Variants in SAMD15 observed in about 807,000 individuals in gnomAD.
The protein encoded by SAMD15 is sterile alpha motif domain-containing protein 15.
A neutral mutation model predicts 50.5 loss-of-function variants in SAMD15; 37 were observed. The observed-to-expected ratio is 0.73, with a 90% CI of 0.56 to 0.96. SAMD15 has a LOEUF of 0.96. Ranked by LOEUF, SAMD15 falls within the 40% of genes least tolerant of loss-of-function variation. The pLI, the probability that SAMD15 is intolerant of heterozygous loss-of-function variation, is 0.00. For missense variants in SAMD15, 789 were observed against 783.8 expected, an observed-to-expected ratio of 1.01 and a Z score of -0.08; for synonymous variants, 255 against 282.8, an observed-to-expected ratio of 0.90 and a Z score of 0.99.
intron 2 of SAMD15, among the ~76,000 whole-genome samples, chr14:77,380,961 C>G (rs1364784387): frequency 3.3e-5 from 5 of 152,188 alleles, no homozygotes; most frequent in Admixed American, 1.3e-4. Flanking sequence ...GAATTTTGTG[C>G]TCCAGCCTAC....
intron 2 of SAMD15, among the ~76,000 whole-genome samples, chr14:77,389,934 G>A (rs900816670): frequency 2.6e-5 from 4 of 152,098 alleles, no homozygotes; most frequent in Middle Eastern, 3.4e-3. Flanking sequence ...AAAACAGCTC[G>A]AACTTTAATG....
intron 2 of SAMD15, among the ~76,000 whole-genome samples, chr14:77,388,677 C>A (rs1894036058): frequency 6.6e-6 from 1 of 151,684 alleles, no homozygotes; most frequent in Admixed American, 6.6e-5. Context: ...GGTGCGATCT[C>A]AGCTCACTGG....
rs185843151 is a variant in SAMD15, at chr14:77,380,110, A to T, written c.1690-273A>T. On this transcript the variant is annotated intron_variant, in intron 1 of 2. Coordinates refer to ENST00000216471, the MANE Select transcript of SAMD15 (RefSeq NM_001010860.4). ...GCTTACATGGAAAAATTGTGCCGTT[A>T]TTGGGATAGAAAGTAAATTTAAGCT... is the stretch of plus-strand genomic sequence containing the variant. Among the ~76,000 whole-genome samples the T allele has an allele frequency of 9.2e-5, 14 of 152,312 alleles. No homozygotes were observed. The East Asian group carries it at 2.7e-3, about 29-fold the overall frequency.
chr14:77,391,123 C>T lies in SAMD15; in HGVS notation c.1904C>T (p.Thr635Ile), dbSNP rs1894067774. 6.2e-7 allele frequency: 1 copy of T among 1,613,686 alleles called. No individual in the cohort carries two copies. Among genetic ancestry groups the T allele is most frequent in the Non-Finnish European group, 8.5e-7 (1 of 1,179,652 alleles). Residue 635 changes from threonine (T) to isoleucine (I), a missense_variant, in exon 3 of 3, where the codon ACT (threonine) becomes ATT (isoleucine). This residue lies in a region of SAMD15 where 770 missense variants were observed against 745.4 expected (regional missense o/e 1.03). Coordinates refer to ENST00000216471, the MANE Select transcript of SAMD15 (RefSeq NM_001010860.4). ...TTATATTTAGAGCAAAAAGGTCATA[C>T]TGGGATAAAATCTGATTCCTTGACT... Reference protein sequence around the residue: ...IGLYLEQKGHTGIKSDSLTLS... With the variant: ...IGLYLEQKGHIGIKSDSLTLS...
At chr14:77,384,246 A>G (rs1171123512) in intron 2 of SAMD15, among the ~76,000 whole-genome samples, 2 of 152,066 alleles carry the variant, frequency 1.3e-5, no homozygotes, top group African/African-American at 4.8e-5. Flanking sequence ...AGATTGCTTG[A>G]GAGTGTGGAA....
chr14:77,383,922 A>G (rs1355691154), intron 2 of SAMD15, among the ~76,000 whole-genome samples: 2 of 139,060 alleles, frequency 1.4e-5, no homozygotes, highest in Non-Finnish European at 3.1e-5. Flanking sequence ...GTGAGCCAAG[A>G]TTGTGCTCTC....
chr14:77,388,572 C>T (rs1224290090), intron 2 of SAMD15, among the ~76,000 whole-genome samples: 5 of 151,358 alleles, frequency 3.3e-5, no homozygotes, highest in East Asian at 3.9e-4. Flanking sequence ...TGCAACTTCA[C>T]GACTGGCTTT....
intron 2 of SAMD15, among the ~76,000 whole-genome samples, chr14:77,383,388 T>C (rs1263181940): frequency 6.6e-6 from 1 of 152,158 alleles, no homozygotes; most frequent in Non-Finnish European, 1.5e-5. Context: ...GTATTCTAAT[T>C]CCAAAAGTAC....
chr14:77,381,569 G>T (rs781450022), intron 2 of SAMD15, among the ~76,000 whole-genome samples: 21 of 152,140 alleles, frequency 1.4e-4, no homozygotes, highest in Non-Finnish European at 2.9e-4. Context: ...ATCCTCCAGA[G>T]ATTTTGATTC....
rs1566699123 is a variant in SAMD15, at chr14:77,377,911, ACGGAAACCATGTCTGAGGTTT to A, written c.497_517del (p.Glu166_Ser172del). On this transcript the variant is annotated inframe_deletion, in exon 1 of 3. Coordinates refer to ENST00000216471, the MANE Select transcript of SAMD15 (RefSeq NM_001010860.4). ...AACAGATCCAGATCCAGTGCCACCA[ACGGAAACCATGTCTGAGGTTT>A]CGGGGGCCACAGTCAGAGAGAGAAA... The A allele has an allele frequency of 1.2e-6, 2 of 1,614,126 alleles. No individual in the cohort carries two copies. The highest frequency in any genetic ancestry group is 8.5e-7 in the Non-Finnish European group (1 of 1,180,018).
At chr14:77,386,099 A>G (rs1165131364) in intron 2 of SAMD15, among the ~76,000 whole-genome samples, 1 of 151,832 alleles carries the variant, frequency 6.6e-6, no homozygotes, top group African/African-American at 2.4e-5. Context: ...CAAGCAATCC[A>G]CCCACCTTGG....
At chr14:77,380,312 TC>T (rs1402990925) in intron 1 of SAMD15, 70 bp from the exon 2 acceptor site, 5 of 948,296 alleles carry the variant, frequency 5.3e-6, no homozygotes, top group Non-Finnish European at 6.9e-6. Flanking sequence ...CTTCCCTTCC[TC>T]CCCCTTCCCT....
intron 2 of SAMD15, 29 bp downstream of exon 2, chr14:77,380,510 A>G (rs2139649394): frequency 6.7e-7 from 1 of 1,487,974 alleles, no homozygotes; most frequent in Non-Finnish European, 9.4e-7. Context: ...TTCCCTACAG[A>G]GCACTGTTAA....
chr14:77,378,967 T>C lies in SAMD15; in HGVS notation c.1549T>C (p.Ser517Pro). 2 of 1,614,184 alleles carry C rather than the reference T, an allele frequency of 1.2e-6. No homozygotes were observed. Among genetic ancestry groups the C allele is most frequent in the African/African-American group, 1.3e-5 (1 of 75,044 alleles). The stretch of plus-strand genomic sequence containing the variant: ...TCATGAAAAGGAAGTTGTAGATTTG[T>C]CCCAAGAGTTGAAGGAACGGGTCTC... ...FVHEKEVVDL[S>P]QELKERVSED... The change falls in exon 1 of 3, where the codon TCC (serine) becomes CCC (proline). Residue 517 changes from serine (S) to proline (P), a missense_variant. Physicochemically the swap from Ser to Pro is moderately conservative, Grantham distance 74 (BLOSUM62 -1). Coordinates refer to ENST00000216471, the MANE Select transcript of SAMD15 (RefSeq NM_001010860.4).
rs1412628000 is a variant in SAMD15 at position 77,380,587 on chromosome 14, G to A, written c.1788+106G>A. ...GCCTGGCCTCCCACTTCTGTCAATG[G>A]TGTCATCATAATTCCAGTTCCTCAG... On this transcript the variant is annotated intron_variant, in intron 2 of 2. Transcript: ENST00000216471. 1.0e-5 allele frequency: 7 copies of A among 701,754 alleles called. No homozygotes were observed. The African/African-American group carries it at 1.3e-4, about 13-fold the overall frequency. The allele number at this position is 701,754 out of a possible 1,614,324, so 43.5% of individuals were successfully genotyped here.
rs1894068608 is a variant in SAMD15 at position 77,391,217 on chromosome 14, T to C, written c.1998T>C (p.Asn666=). The C allele has an allele frequency of 6.2e-7, 1 of 1,612,706 alleles. No homozygotes were observed. Among genetic ancestry groups the C allele is most frequent in the Admixed American group, 1.7e-5 (1 of 59,994 alleles). Residue 666 remains asparagine (N), a synonymous_variant, in exon 3 of 3, where the codon AAT becomes AAC. Transcript: ENST00000216471. Reference sequence around the variant, plus strand: ...CAGAAATAACTGCCCCTGAAGAGAATGAGGAATTACCTTGCACTGAACCAT... The same window carrying C: ...CAGAAATAACTGCCCCTGAAGAGAACGAGGAATTACCTTGCACTGAACCAT... ...YAPEITAPEE[N]EELPCTEP is the part of the protein sequence containing the mutation.
At chr14:77,387,985 G>T (rs940347694) in intron 2 of SAMD15, among the ~76,000 whole-genome samples, 10 of 152,190 alleles carry the variant, frequency 6.6e-5, no homozygotes, top group African/African-American at 2.4e-4. Context: ...CAAGGCTGCA[G>T]AGAGCTATGA....
chr14:77,388,142 C>T (rs1480625233), intron 2 of SAMD15, among the ~76,000 whole-genome samples: 1 of 152,188 alleles, frequency 6.6e-6, no homozygotes, highest in African/African-American at 2.4e-5. Flanking sequence ...CCACAGTGGG[C>T]ACACAGCTCT....
chr14:77,386,835 A>G (rs1226912100), intron 2 of SAMD15, among the ~76,000 whole-genome samples: 1 of 152,208 alleles, frequency 6.6e-6, no homozygotes, highest in Non-Finnish European at 1.5e-5. Context: ...TACAAATAAA[A>G]GAACAGCAGC....
Sources: allele counts gnomAD v4.1 joint callset (sites outside exome capture counted in the v4.1 genomes callset), GRCh38; gene constraint gnomAD v4.1.1; regional missense constraint gnomAD v4.1.1; transcripts MANE v1.5; gene names NCBI Gene and HGNC (gene_info 2026-07-23, HGNC 2026-07-21).